MYO16: variants seen among roughly 807,000 people sequenced by gnomAD.
MYO16 encodes unconventional myosin-XVI.
Under a neutral mutation model 205.3 loss-of-function variants are expected in MYO16, and 94 were observed. The ratio of observed to expected loss-of-function variants is 0.46; its 90% CI spans 0.39 to 0.54. The LOEUF (loss-of-function observed/expected upper bound fraction) is 0.54. Among genes scored for constraint, MYO16 ranks in the 20% least tolerant of loss-of-function variants. MYO16 has a pLI of 0.00. For synonymous variants in MYO16, 988 were observed against 954.0 expected, an observed-to-expected ratio of 1.04 and a Z score of -0.66; for missense variants, 2,315 against 2,387.5, an observed-to-expected ratio of 0.97 and a Z score of 0.63.
rs751937410 is a variant in MYO16 at position 109,141,459 on chromosome 13, T to C, written c.5164+83T>C. ...CTGTGTACATCCGTGTCTGCGCAGA[T>C]GTGAAATAGTAAAGTTTCAGGTGAT... On this transcript the variant is annotated intron_variant, in intron 32 of 34. Coordinates refer to ENST00000457511, the MANE Select transcript of MYO16 (RefSeq NM_001198950.3). This position sits in a 1 kb window ranked among gnomAD's most constrained non-coding sequence, Gnocchi z 4.1. 55 of 974,246 alleles carry C rather than the reference T, an allele frequency of 5.6e-5. No individual in the cohort carries two copies. Among genetic ancestry groups the C allele is most frequent in the Non-Finnish European group, 7.3e-5 (52 of 712,268 alleles). The allele number at this position is 974,246 out of a possible 1,614,324, so 60.4% of individuals were successfully genotyped here. A position where few individuals can be genotyped will look rare whatever the true frequency, so the allele number is the denominator to read the frequency against.
chr13:108,708,458 TAAAA>T (rs1883598675), intron 2 of MYO16, among the ~76,000 whole-genome samples: 1 of 152,206 alleles, frequency 6.6e-6, no homozygotes, highest in African/African-American at 2.4e-5. Context: ...TATTTAGAAA[TAAAA>T]TCAAACTTAC....
chr13:109,170,537 A>AT (rs1278424737), intron 33 of MYO16, among the ~76,000 whole-genome samples: 1 of 149,858 alleles, frequency 6.7e-6, no homozygotes, highest in Non-Finnish European at 1.5e-5. Context: ...CAATTCTGCA[A>AT]TTTAAAAAAA....
chr13:109,040,139 A>G (rs551536719), intron 23 of MYO16, among the ~76,000 whole-genome samples: 1 of 152,252 alleles, frequency 6.6e-6, no homozygotes, highest in African/African-American at 2.4e-5. Flanking sequence ...GAAATAGACA[A>G]TTTGAATAGC....
intron 22 of MYO16, among the ~76,000 whole-genome samples, chr13:109,016,202 C>G (rs113476766): frequency 0.017 from 2,570 of 152,092 alleles, 77 homozygotes; most frequent in African/African-American, 0.059. Context: ...CTTTATTTCT[C>G]CCTTCATTTC....
chr13:109,049,925 CCT>C (rs145461087), intron 24 of MYO16, among the ~76,000 whole-genome samples: 512 of 113,434 alleles, frequency 4.5e-3, no homozygotes, highest in Middle Eastern at 0.015. Context: ...CTTCCTTTGT[CCT>C]GTGTGTGTGT....
At chr13:108,808,716 T>TAA (rs113539375) in intron 7 of MYO16, among the ~76,000 whole-genome samples, 1 of 151,406 alleles carries the variant, frequency 6.6e-6, no homozygotes, top group African/African-American at 2.4e-5. Flanking sequence ...TGTTATGTGG[T>TAA]AAAAAAAAAT....
Position 108,712,849 on chromosome 13 carries a change from T to C in MYO16, c.363+118T>C. 3 of 725,248 alleles carry C rather than the reference T, an allele frequency of 4.1e-6. No homozygotes were observed. The South Asian group carries it at 6.9e-5, about 17-fold the overall frequency. 44.9% of individuals were successfully genotyped at this position (725,248 alleles called of 1,614,324 possible). A position where few individuals can be genotyped will look rare whatever the true frequency, so the allele number is the denominator to read the frequency against. On this transcript the variant is annotated intron_variant, in intron 3 of 34. Transcript: ENST00000457511. ...AGATGATGATCAGAAAGATGATGTGTTTCTAATTAACAGGCTTGGATGATA... is the reference window on the plus strand; with the variant it reads ...AGATGATGATCAGAAAGATGATGTGCTTCTAATTAACAGGCTTGGATGATA...
chr13:108,731,563 T>A (rs1884523986), intron 4 of MYO16, among the ~76,000 whole-genome samples: 1 of 152,196 alleles, frequency 6.6e-6, no homozygotes, highest in South Asian at 2.1e-4. Context: ...GTTTCATGGA[T>A]GATCATAGAG....
intron 5 of MYO16, among the ~76,000 whole-genome samples, chr13:108,788,002 C>T: frequency 6.6e-6 from 1 of 152,146 alleles, no homozygotes. Flanking sequence ...ATTGTGACAG[C>T]ATGGGCTGAT....
chr13:109,178,247 A>G (rs1879302012), intron 33 of MYO16, among the ~76,000 whole-genome samples: 1 of 152,062 alleles, frequency 6.6e-6, no homozygotes, highest in South Asian at 2.1e-4. Flanking sequence ...ACCTGAGGCT[A>G]CTGCTGCTGC....
At chr13:108,910,276 T>A in intron 16 of MYO16, 126 bp downstream of exon 16, 2 of 1,020,986 alleles carry the variant, frequency 2.0e-6, no homozygotes, top group Non-Finnish European at 2.9e-6. Context: ...TGTTGGATAC[T>A]GTTAGGTTGA....
chr13:108,657,144 A>G (rs78096682), intron 1 of MYO16, among the ~76,000 whole-genome samples: 15,445 of 152,224 alleles, frequency 0.1, 1,886 homozygotes, highest in African/African-American at 0.26. Context: ...AATTGCCAAA[A>G]TATTTTTCTC....
Position 109,207,516 on chromosome 13 carries a change from G to A in MYO16, c.*680G>A, listed in dbSNP as rs41275074. 5,550 of 151,768 alleles carry A rather than the reference G, an allele frequency of 0.037. 149 individuals carry two copies. The highest frequency in any genetic ancestry group is 0.072 in the South Asian group (344 of 4,782). The allele number at this position is 151,768 out of a possible 1,614,324, so 9.4% of individuals were successfully genotyped here. ...GTCACCCCTTGCAAAACTATGAATT[G>A]AGCCCCATGTTTTAGGTGTTACTCA... On this transcript the variant is annotated 3_prime_UTR_variant, in exon 35 of 35. Coordinates refer to ENST00000457511, the MANE Select transcript of MYO16 (RefSeq NM_001198950.3).
intron 31 of MYO16, among the ~76,000 whole-genome samples, chr13:109,136,758 C>T (rs577978586): frequency 2.6e-5 from 4 of 152,330 alleles, no homozygotes; most frequent in Non-Finnish European, 4.4e-5. Context: ...GAGGCCACCA[C>T]GCTTCCCTGA....
In MYO16 at chr13:109,140,867, T is replaced by C; in HGVS notation, c.4655T>C (p.Val1552Ala). 6.3e-7 allele frequency: 1 copy of C among 1,596,320 alleles called. No homozygotes were observed. The highest frequency in any genetic ancestry group is 1.4e-5 in the African/African-American group (1 of 72,400). ...CTGGAGACCAACCTCAAGTACCCCG[T>C]GCAGCCGGAGGGGTCGAGCCCGCTG... ...PVLETNLKYP[V>A]QPEGSSPLSP... Residue 1552 changes from valine to alanine, a missense_variant, in exon 32 of 35, where the codon GTG (valine) becomes GCG (alanine). Val to Ala is a moderately conservative substitution (Grantham distance 64). Around this residue, in one of 3 missense-constraint regions of MYO16, gnomAD observed 1,097 missense variants for 1,092.0 expected, o/e 1.00. Transcript: ENST00000457511. The surrounding 1 kb of genome is among the most constrained non-coding windows in gnomAD (Gnocchi z 8.0).
chr13:108,943,403 G>A (rs1189255585), intron 16 of MYO16, among the ~76,000 whole-genome samples: 1 of 152,090 alleles, frequency 6.6e-6, no homozygotes, highest in Non-Finnish European at 1.5e-5. Context: ...TTGTTTAAGG[G>A]TGATATCATC....
At chr13:109,179,706 T>G (rs772061012) in intron 34 of MYO16, 73 bp downstream of exon 34, 17 of 1,218,846 alleles carry the variant, frequency 1.4e-5, no homozygotes, top group African/African-American at 3.0e-5. Flanking sequence ...CATTAACTTG[T>G]TACCAATAGA....
At chr13:108,729,516 A>G (rs1025101165) in intron 4 of MYO16, among the ~76,000 whole-genome samples, 2 of 151,932 alleles carry the variant, frequency 1.3e-5, no homozygotes, top group African/African-American at 4.8e-5. Context: ...TTTTCTAAAT[A>G]CTTGTTTTAA....
intron 11 of MYO16, among the ~76,000 whole-genome samples, chr13:108,857,298 TG>T (rs1391028450): frequency 6.6e-6 from 1 of 152,216 alleles, no homozygotes; most frequent in Non-Finnish European, 1.5e-5. Flanking sequence ...ATCTGGTTCC[TG>T]GGCTGCTCAA....
Sources: allele counts gnomAD v4.1 joint callset (sites outside exome capture counted in the v4.1 genomes callset), GRCh38; gene constraint gnomAD v4.1.1; regional missense constraint gnomAD v4.1.1; non-coding constraint Gnocchi (gnomAD v3.1); transcripts MANE v1.5; gene names NCBI Gene and HGNC (gene_info 2026-07-23, HGNC 2026-07-21).